INPP1: variants seen among roughly 807,000 people sequenced by gnomAD.
INPP1 encodes inositol polyphosphate 1-phosphatase.
In INPP1, 18 loss-of-function variants were observed where a neutral mutation model predicts 23.0. The observed-to-expected ratio is 0.78, with a 90% CI of 0.54 to 1.16. The LOEUF is 1.16. INPP1 is among the 50% of genes most tolerant of loss of function. The probability of loss-of-function intolerance (pLI) is 0.00; values close to 1 mark genes in which losing one functional copy is unlikely to be tolerated. For synonymous variants in INPP1, 164 were observed against 176.3 expected, an observed-to-expected ratio of 0.93 and a Z score of 0.55; for missense variants, 448 against 482.1, an observed-to-expected ratio of 0.93 and a Z score of 0.66.
chr2:190,357,536 C>T lies in INPP1; in HGVS notation c.-64-2503C>T, dbSNP rs533927636. Among the ~76,000 whole-genome samples, 79 of 152,264 alleles carry T rather than the reference C, an allele frequency of 5.2e-4. No homozygotes were observed. The South Asian group carries it at 0.015, about 30-fold the overall frequency. ...TTAACATTAGTGCATTGACATATTTCCATATTATTAAATATTCTTCAAAAA... is the reference window on the plus strand; with the variant it reads ...TTAACATTAGTGCATTGACATATTTTCATATTATTAAATATTCTTCAAAAA... On this transcript the variant is annotated intron_variant, in intron 2 of 6. Transcript: ENST00000392329.
intron 4 of INPP1, 80 bp downstream of exon 4, chr2:190,362,767 A>G: frequency 3.5e-6 from 3 of 861,788 alleles, no homozygotes; most frequent in Non-Finnish European, 5.3e-6. Flanking sequence ...CCATGAACTA[A>G]ATGTTTGGAA....
chr2:190,365,648 A>C (rs1689630021), intron 4 of INPP1, among the ~76,000 whole-genome samples: 1 of 152,196 alleles, frequency 6.6e-6, no homozygotes, highest in African/African-American at 2.4e-5. Flanking sequence ...GTGCCTGGGT[A>C]GCCACTGAGC....
intron 2 of INPP1, among the ~76,000 whole-genome samples, chr2:190,349,498 T>C (rs1689287169): frequency 6.6e-6 from 1 of 152,202 alleles, no homozygotes; most frequent in African/African-American, 2.4e-5. Context: ...AAATTATAAA[T>C]AATATTCTAT....
Position 190,363,011 on chromosome 2 carries a change from A to T in INPP1, c.265+324A>T. The stretch of plus-strand genomic sequence containing the variant: ...AATGTAAGTTATTAATGCCCCAAAG[A>T]TGCCCATCTACAAAATTATGCAGAC... On this transcript the variant is annotated intron_variant, in intron 4 of 6. Transcript: ENST00000392329. This position sits in a 1 kb window ranked among gnomAD's most constrained non-coding sequence, Gnocchi z 4.4. The T allele has an allele frequency of 5.4e-6, 1 of 184,938 alleles. No individual in the cohort carries two copies. The highest frequency in any genetic ancestry group is 2.3e-5 in the African/African-American group (1 of 42,606). The allele number at this position is 184,938 out of a possible 1,614,324, so 11.5% of individuals were successfully genotyped here.
intron 2 of INPP1, among the ~76,000 whole-genome samples, chr2:190,353,659 G>A (rs1689364758): frequency 6.6e-6 from 1 of 152,160 alleles, no homozygotes; most frequent in Non-Finnish European, 1.5e-5. Flanking sequence ...TTATATTAAA[G>A]GTAAAGAGAG....
chr2:190,345,836 A>G lies in INPP1; in HGVS notation c.-209+1875A>G, dbSNP rs1027718849. 3.3e-5 allele frequency among the ~76,000 whole-genome samples: 5 copies of G among 152,124 alleles called. No individual in the cohort carries two copies. The highest frequency in any genetic ancestry group is 4.4e-5 in the Non-Finnish European group (3 of 68,006). ...TGGTGAAACCCCGTCTCTAGTAAAA[A>G]TACAAAAATTAGCCAGGCGTGGTAG... is the stretch of plus-strand genomic sequence containing the variant. On this transcript the variant is annotated intron_variant, in intron 1 of 6. Transcript: ENST00000392329. The surrounding 1 kb of genome is among the most constrained non-coding windows in gnomAD (Gnocchi z 4.9).
rs1689425965 is a variant in INPP1, at chr2:190,356,668, G to A, written c.-64-3371G>A. On this transcript the variant is annotated intron_variant, in intron 2 of 6. Coordinates refer to ENST00000392329, the MANE Select transcript of INPP1 (RefSeq NM_001128928.2). The surrounding 1 kb of genome is among the most constrained non-coding windows in gnomAD (Gnocchi z 6.4). Reference sequence around the variant, plus strand: ...AGGGTGTTATAAGGAGTGTTTCTTGGTTATTCAACAGTGTAGTTAGTATCG... The same window carrying A: ...AGGGTGTTATAAGGAGTGTTTCTTGATTATTCAACAGTGTAGTTAGTATCG... 6.6e-6 allele frequency: 1 copy of A among 152,082 alleles called. No homozygotes were observed. Among genetic ancestry groups the A allele is most frequent in the South Asian group, 2.1e-4 (1 of 4,828 alleles). 9.4% of individuals were successfully genotyped at this position (152,082 alleles called of 1,614,324 possible).
At chr2:190,350,190 G>GA (rs1689299068) in intron 2 of INPP1, among the ~76,000 whole-genome samples, 2 of 152,232 alleles carry the variant, frequency 1.3e-5, no homozygotes, top group Non-Finnish European at 2.9e-5. Context: ...ACAATTTTCA[G>GA]ATGAGTTCTG....
chr2:190,352,047 G>A lies in INPP1; in HGVS notation c.-65+3016G>A, dbSNP rs1433295611. Among the ~76,000 whole-genome samples the A allele has an allele frequency of 1.3e-5, 2 of 152,120 alleles. No homozygotes were observed. The highest frequency in any genetic ancestry group is 1.9e-4 in the East Asian group (1 of 5,192). On this transcript the variant is annotated intron_variant, in intron 2 of 6. Transcript: ENST00000392329. The surrounding 1 kb of genome is among the most constrained non-coding windows in gnomAD (Gnocchi z 4.7). ...AGATTTTAAGTTGCATCTTCCTGAT[G>A]ACTAATATGGTAGACTGTGTTTCTG...
At chr2:190,369,409 G>A (rs1185473835) in intron 6 of INPP1, 132 bp downstream of exon 6, 5 of 496,144 alleles carry the variant, frequency 1.0e-5, no homozygotes, top group South Asian at 5.1e-5. Flanking sequence ...GAAAGTCTGC[G>A]TATTTGAATT....
chr2:190,366,616 A>G, intron 4 of INPP1, 79 bp from the exon 5 acceptor site: 1 of 1,004,770 alleles, frequency 1.0e-6, no homozygotes, highest in Non-Finnish European at 1.6e-6. Context: ...TGTCTCTCTC[A>G]CTCTTTAGCT....
chr2:190,366,635 CTG>C, intron 4 of INPP1, 58 bp from the exon 5 acceptor site: 1 of 1,183,256 alleles, frequency 8.5e-7, no homozygotes, highest in Non-Finnish European at 1.3e-6. Flanking sequence ...CTCTCTCTCT[CTG>C]TTCTTTCTCC....
At chr2:190,350,311 T>C (rs995600983) in intron 2 of INPP1, among the ~76,000 whole-genome samples, 1 of 152,214 alleles carries the variant, frequency 6.6e-6, no homozygotes, top group East Asian at 1.9e-4. Context: ...AAAAAGGCAA[T>C]ATAAGTTGAC....
rs1303817878 is a variant in INPP1 at position 190,355,084 on chromosome 2, A to G, written c.-64-4955A>G. ...ATTTCACTGGCTAGAGTACTGGTCA[A>G]CAGTGGGGGCTTCTGCCAGCTTGCC... On this transcript the variant is annotated intron_variant, in intron 2 of 6. Transcript: ENST00000392329. This position sits in a 1 kb window ranked among gnomAD's most constrained non-coding sequence, Gnocchi z 5.1. 6.6e-6 allele frequency among the ~76,000 whole-genome samples: 1 copy of G among 152,160 alleles called. No homozygotes were observed. Among genetic ancestry groups the G allele is most frequent in the African/African-American group, 2.4e-5 (1 of 41,426 alleles).
rs747965866 is a variant in INPP1 at position 190,360,223 on chromosome 2, A to G, written c.121A>G (p.Lys41Glu). 6.2e-7 allele frequency: 1 copy of G among 1,614,228 alleles called. No homozygotes were observed. The change falls in exon 3 of 7, where the codon AAG (lysine) becomes GAG (glutamate). Residue 41 changes from lysine (K) to glutamate (E), a missense_variant. Transcript: ENST00000392329. The stretch of plus-strand genomic sequence containing the variant: ...GATCGAAGAAAAGAAAGAGGGAGAA[A>G]AGAACAAGAAGTTTGCAGTTGACTT... ...LLIEEKKEGE[K>E]NKKFAVDFKT...
chr2:190,362,687 G>A lies in INPP1; in HGVS notation c.265G>A (p.Gly89Arg), dbSNP rs1246936573. 11 of 1,577,144 alleles carry A rather than the reference G, an allele frequency of 7.0e-6. No homozygotes were observed. The highest frequency in any genetic ancestry group is 2.7e-5 in the African/African-American group (2 of 73,886). The change falls in exon 4 of 7, where the codon GGG (glycine) becomes AGG (arginine). Residue 89 changes from glycine (G) to arginine (R), a missense_variant and splice_region_variant. Coordinates refer to ENST00000392329, the MANE Select transcript of INPP1 (RefSeq NM_001128928.2). ...EESNEFTNDWGEKITLRLCST... is the reference protein window; with the variant it reads ...EESNEFTNDWREKITLRLCST... ...ATCCAATGAGTTTACTAATGACTGGGGTAAGTATAAGAATCTTAATGTGTC... is the reference window on the plus strand; with the variant it reads ...ATCCAATGAGTTTACTAATGACTGGAGTAAGTATAAGAATCTTAATGTGTC...
In INPP1 at chr2:190,355,215, T is replaced by C. The variant is rs1689400526; in HGVS notation, c.-64-4824T>C. Among the ~76,000 whole-genome samples, 1 of 152,142 alleles carries C rather than the reference T, an allele frequency of 6.6e-6. No homozygotes were observed. Among genetic ancestry groups the C allele is most frequent in the Non-Finnish European group, 1.5e-5 (1 of 68,030 alleles). The stretch of plus-strand genomic sequence containing the variant: ...GTAAAATGGAGATAATAGTACCTAC[T>C]TCCTAAGGTTATATAAGAATTAAAT... On this transcript the variant is annotated intron_variant, in intron 2 of 6. Coordinates refer to ENST00000392329, the MANE Select transcript of INPP1 (RefSeq NM_001128928.2). The surrounding 1 kb of genome is among the most constrained non-coding windows in gnomAD (Gnocchi z 5.1).
rs1346195452 is a variant in INPP1 at position 190,368,707 on chromosome 2, C to T, written c.467-396C>T. On this transcript the variant is annotated intron_variant, in intron 5 of 6. Transcript: ENST00000392329. This position sits in a 1 kb window ranked among gnomAD's most constrained non-coding sequence, Gnocchi z 4.3. ...CCTATTGTGCTATCAAATAGTAGGT[C>T]TTTTTTTTTCACCCATTGGAAGGAG... 6.6e-6 allele frequency: 1 copy of T among 152,440 alleles called. No homozygotes were observed. The highest frequency in any genetic ancestry group is 1.9e-4 in the East Asian group (1 of 5,192). The allele number at this position is 152,440 out of a possible 1,614,324, so 9.4% of individuals were successfully genotyped here. A position where few individuals can be genotyped will look rare whatever the true frequency, so the allele number is the denominator to read the frequency against.
At position 190,363,446 on chromosome 2, in the gene INPP1, C is replaced by T. The variant is rs1299901252; in HGVS notation, c.265+759C>T. 1.3e-5 allele frequency among the ~76,000 whole-genome samples: 2 copies of T among 152,114 alleles called. No individual in the cohort carries two copies. The highest frequency in any genetic ancestry group is 2.9e-5 in the Non-Finnish European group (2 of 68,014). ...ATGGGATTTCACCATGTTGGCCAGGCTGGTCTCAAACTCCTGACCTCAGGT... is the reference window on the plus strand; with the variant it reads ...ATGGGATTTCACCATGTTGGCCAGGTTGGTCTCAAACTCCTGACCTCAGGT... On this transcript the variant is annotated intron_variant, in intron 4 of 6. Transcript: ENST00000392329. The surrounding 1 kb of genome is among the most constrained non-coding windows in gnomAD (Gnocchi z 4.4).
Sources: allele counts gnomAD v4.1 joint callset (sites outside exome capture counted in the v4.1 genomes callset), GRCh38; gene constraint gnomAD v4.1.1; non-coding constraint Gnocchi (gnomAD v3.1); transcripts MANE v1.5; gene names NCBI Gene and HGNC (gene_info 2026-07-23, HGNC 2026-07-21).